CTDSPL: variants seen among roughly 807,000 people sequenced by gnomAD.
CTDSPL encodes the protein CTD small phosphatase like.
CTDSPL carries 8 observed loss-of-function variants against 30.5 expected under a neutral mutation model. The ratio of observed to expected loss-of-function variants is 0.26; its 90% CI spans 0.15 to 0.47. The LOEUF is 0.47. Ranked by LOEUF, CTDSPL falls within the 20% of genes least tolerant of loss-of-function variation. CTDSPL has a pLI of 0.99. For missense variants in CTDSPL, 248 were observed against 366.1 expected, an observed-to-expected ratio of 0.68 and a Z score of 2.63; for synonymous variants, 110 against 137.9, an observed-to-expected ratio of 0.80 and a Z score of 1.42.
At chr3:37,928,060 AC>A (rs1285493549) in intron 1 of CTDSPL, among the ~76,000 whole-genome samples, 2 of 152,286 alleles carry the variant, frequency 1.3e-5, no homozygotes, top group East Asian at 3.9e-4. Context: ...ATGCTGTGGC[AC>A]GTGTCAAAAT....
chr3:37,977,146 CAT>C (rs998306958), intron 7 of CTDSPL, among the ~76,000 whole-genome samples: 1 of 152,176 alleles, frequency 6.6e-6, no homozygotes, highest in African/African-American at 2.4e-5. Flanking sequence ...TCAAATTCAA[CAT>C]AATATATTTG....
chr3:37,935,597 T>G (rs974596467), intron 1 of CTDSPL, among the ~76,000 whole-genome samples: 1 of 152,178 alleles, frequency 6.6e-6, no homozygotes, highest in Non-Finnish European at 1.5e-5. Context: ...GGAAGGGCAT[T>G]TCCAGCAGAG....
intron 6 of CTDSPL, among the ~76,000 whole-genome samples, chr3:37,973,891 G>A (rs1361140114): frequency 1.3e-5 from 2 of 152,298 alleles, no homozygotes; most frequent in Admixed American, 6.5e-5. Flanking sequence ...TGAAAGATAG[G>A]TGCTACCACA....
intron 1 of CTDSPL, 50 bp from the exon 2 acceptor site, chr3:37,947,007 T>A: frequency 6.4e-7 from 1 of 1,572,334 alleles, no homozygotes; most frequent in Non-Finnish European, 8.7e-7. Context: ...ATATTACAAC[T>A]ATCAGTACAT....
chr3:37,907,438 GA>G (rs1442230730), intron 1 of CTDSPL, among the ~76,000 whole-genome samples: 4 of 152,102 alleles, frequency 2.6e-5, no homozygotes, highest in Admixed American at 2.6e-4. Flanking sequence ...TCTCTCTAAG[GA>G]AAAAATTAAG....
chr3:37,977,782 A>G (rs1699446528), intron 7 of CTDSPL, among the ~76,000 whole-genome samples: 1 of 151,792 alleles, frequency 6.6e-6, no homozygotes. Context: ...CTGTCGTTCC[A>G]GCTACTTGGG....
intron 1 of CTDSPL, among the ~76,000 whole-genome samples, chr3:37,936,223 G>T (rs17037196): frequency 1.3e-5 from 2 of 152,072 alleles, no homozygotes; most frequent in Non-Finnish European, 2.9e-5. Flanking sequence ...TCAAAGGTAC[G>T]TTTCTTTTAT....
At chr3:37,960,063 G>A (rs542338793) in intron 3 of CTDSPL, among the ~76,000 whole-genome samples, 1 of 151,982 alleles carries the variant, frequency 6.6e-6, no homozygotes, top group South Asian at 2.1e-4. Flanking sequence ...AAATTAACTG[G>A]GCATGGTGGC....
intron 1 of CTDSPL, among the ~76,000 whole-genome samples, chr3:37,874,761 TACAG>T (rs1698116881): frequency 6.6e-6 from 1 of 151,622 alleles, no homozygotes; most frequent in South Asian, 2.1e-4. Context: ...AATAAATAAA[TACAG>T]ACAGACACAC....
At chr3:37,872,462 G>A (rs778912271) in intron 1 of CTDSPL, among the ~76,000 whole-genome samples, 1 of 146,516 alleles carries the variant, frequency 6.8e-6, no homozygotes, top group Middle Eastern at 3.4e-3. Flanking sequence ...GGTTTTCTCT[G>A]ACATGCCCCC....
Position 37,981,075 on chromosome 3 carries a change from C to A in CTDSPL, c.*208C>A. 2.1e-5 allele frequency: 7 copies of A among 335,702 alleles called. No homozygotes were observed. The highest frequency in any genetic ancestry group is 5.7e-5 in the East Asian group (1 of 17,662). The allele number at this position is 335,702 out of a possible 1,614,324, so 20.8% of individuals were successfully genotyped here. A position where few individuals can be genotyped will look rare whatever the true frequency, so the allele number is the denominator to read the frequency against. On this transcript the variant is annotated 3_prime_UTR_variant, in exon 8 of 8. Transcript: ENST00000273179. ...TCTTTTAAGAAATTTCATAAAGGGA[C>A]ATGCATTTTACTGGGTTTGCTTTTC...
intron 4 of CTDSPL, 106 bp downstream of exon 4, chr3:37,964,778 C>T: frequency 1.3e-6 from 1 of 765,080 alleles, no homozygotes; most frequent in Non-Finnish European, 2.1e-6. Flanking sequence ...TAGTGTGTGA[C>T]TTCACTCTTC....
chr3:37,932,475 T>C (rs1698865676), intron 1 of CTDSPL, among the ~76,000 whole-genome samples: 2 of 152,110 alleles, frequency 1.3e-5, no homozygotes, highest in South Asian at 4.1e-4. Flanking sequence ...AAGGAACTCT[T>C]ATAAATCAAA....
chr3:37,870,434 TGTGTG>T (rs1485222604), intron 1 of CTDSPL, among the ~76,000 whole-genome samples: 2 of 152,156 alleles, frequency 1.3e-5, no homozygotes, highest in Non-Finnish European at 2.9e-5. Context: ...ATGTTGACAA[TGTGTG>T]TCCTCCATCT....
At chr3:37,932,447 T>C (rs1260387493) in intron 1 of CTDSPL, among the ~76,000 whole-genome samples, 1 of 152,206 alleles carries the variant, frequency 6.6e-6, no homozygotes, top group Non-Finnish European at 1.5e-5. Flanking sequence ...CAAGGGATTA[T>C]GTTGCTGATA....
chr3:37,921,749 C>G (rs1698719184), intron 1 of CTDSPL, among the ~76,000 whole-genome samples: 1 of 152,166 alleles, frequency 6.6e-6, no homozygotes. Flanking sequence ...GCCAGACCAC[C>G]TGTAAGGAAG....
chr3:37,945,505 G>A (rs1699025021), intron 1 of CTDSPL, among the ~76,000 whole-genome samples: 1 of 152,240 alleles, frequency 6.6e-6, no homozygotes, highest in African/African-American at 2.4e-5. Context: ...GGGACCTACA[G>A]GGTTGGCCCT....
chr3:37,950,697 T>C (rs919321480), intron 2 of CTDSPL, among the ~76,000 whole-genome samples: 4 of 152,192 alleles, frequency 2.6e-5, no homozygotes, highest in African/African-American at 9.6e-5. Context: ...AAAACAAAGC[T>C]TGAATCTGTG....
intron 1 of CTDSPL, among the ~76,000 whole-genome samples, chr3:37,867,007 T>C (rs1402906549): frequency 2.0e-5 from 3 of 152,214 alleles, no homozygotes; most frequent in Non-Finnish European, 4.4e-5. Flanking sequence ...TAAAACTGTA[T>C]AGTATCACAT....
Sources: gnomAD v4.1 joint callset for allele counts (sites outside exome capture counted in the v4.1 genomes callset) on GRCh38, gnomAD v4.1.1 for gene constraint, MANE v1.5 for transcripts, NCBI Gene and HGNC (gene_info 2026-07-23, HGNC 2026-07-21) for gene names.